Variants in LRRC7 observed in about 807,000 individuals in gnomAD.
The protein encoded by LRRC7 is leucine-rich repeat-containing protein 7.
Under a neutral mutation model 175.7 loss-of-function variants are expected in LRRC7, and 23 were observed. The observed-to-expected ratio is 0.13, with a 90% CI of 0.09 to 0.19. LRRC7 has a LOEUF of 0.19. LRRC7 is among the 10% of genes least tolerant of loss of function. The pLI, the probability that LRRC7 is intolerant of heterozygous loss-of-function variation, is 1.00. For synonymous variants in LRRC7, 685 were observed against 680.9 expected, an observed-to-expected ratio of 1.01 and a Z score of -0.09; for missense variants, 1,354 against 1,904.7, an observed-to-expected ratio of 0.71 and a Z score of 5.38.
intron 1 of LRRC7, among the ~76,000 whole-genome samples, chr1:69,677,609 G>T (rs549304250): frequency 3.9e-5 from 6 of 152,110 alleles, no homozygotes; most frequent in African/African-American, 1.4e-4. Flanking sequence ...TGATCATTCT[G>T]GCTGGGGTAA....
rs1427761994 is a variant in LRRC7, at chr1:69,754,228, T to A, written c.101-5963T>A. Among the ~76,000 whole-genome samples the A allele has an allele frequency of 2.0e-5, 3 of 152,078 alleles. No individual in the cohort carries two copies. In the East Asian group the frequency reaches 5.8e-4, roughly 29 times the overall value. ...CAAGAGAGTGACATAATCATATTTG[T>A]GTTTTCAATAGGTCATCTAGCTACA... is the stretch of plus-strand genomic sequence containing the variant. On this transcript the variant is annotated intron_variant, in intron 2 of 26. Transcript: ENST00000651989.
chr1:69,922,555 AG>A (rs1646923334), intron 7 of LRRC7, among the ~76,000 whole-genome samples: 1 of 152,188 alleles, frequency 6.6e-6, no homozygotes, highest in Non-Finnish European at 1.5e-5. Context: ...TAAACTTGGG[AG>A]AAAATAGAAA....
chr1:69,659,441 A>G (rs1162816875), intron 1 of LRRC7, among the ~76,000 whole-genome samples: 5 of 151,924 alleles, frequency 3.3e-5, no homozygotes, highest in African/African-American at 1.2e-4. Context: ...ACCAGTAAAA[A>G]AAATGTATAA....
chr1:69,917,360 G>A (rs1414327133), intron 7 of LRRC7, among the ~76,000 whole-genome samples: 1 of 152,122 alleles, frequency 6.6e-6, no homozygotes, highest in Non-Finnish European at 1.5e-5. Context: ...AGGGAGATAG[G>A]CCCCAGAGCC....
intron 7 of LRRC7, among the ~76,000 whole-genome samples, chr1:69,844,404 G>A (rs1414335613): frequency 6.6e-6 from 1 of 152,122 alleles, no homozygotes; most frequent in Non-Finnish European, 1.5e-5. Context: ...GTTTCTGTGA[G>A]TCTGACCATT....
At chr1:69,909,883 T>C (rs1457145903) in intron 7 of LRRC7, among the ~76,000 whole-genome samples, 1 of 152,212 alleles carries the variant, frequency 6.6e-6, no homozygotes, top group Non-Finnish European at 1.5e-5. Flanking sequence ...CTTGGTTCCA[T>C]TCTCCCCATC....
rs549795868 is a variant in LRRC7 at position 69,803,771 on chromosome 1, A to T, written c.421+11611A>T. 2.0e-5 allele frequency among the ~76,000 whole-genome samples: 3 copies of T among 151,340 alleles called. No homozygotes were observed. The South Asian group carries it at 6.2e-4, about 31-fold the overall frequency. On this transcript the variant is annotated intron_variant, in intron 4 of 26. Transcript: ENST00000651989. ...ATCTAATTAGGAAATAATCTACTTC[A>T]TCATACTGTTTTTTTAATTTATTTT...
chr1:69,599,488 T>C (rs1646968815), intron 1 of LRRC7, among the ~76,000 whole-genome samples: 1 of 152,316 alleles, frequency 6.6e-6, no homozygotes, highest in African/African-American at 2.4e-5. Context: ...TTTGCCAGTA[T>C]CTTTAAAACT....
chr1:69,915,785 A>G (rs1646668262), intron 7 of LRRC7, among the ~76,000 whole-genome samples: 1 of 151,886 alleles, frequency 6.6e-6, no homozygotes, highest in African/African-American at 2.4e-5. Flanking sequence ...GTATTTTAAT[A>G]ACTAACACAG....
intron 3 of LRRC7, among the ~76,000 whole-genome samples, chr1:69,784,116 A>G (rs965587179): frequency 1.9e-4 from 29 of 152,226 alleles, no homozygotes; most frequent in Non-Finnish European, 3.7e-4. Context: ...ATAATATCAA[A>G]TGAAAAAGGA....
intron 1 of LRRC7, among the ~76,000 whole-genome samples, chr1:69,672,154 G>A (rs1659173010): frequency 6.6e-6 from 1 of 152,170 alleles, no homozygotes; most frequent in Non-Finnish European, 1.5e-5. Flanking sequence ...TGTTGTGTGT[G>A]TAGATAGTTG....
chr1:70,073,618 C>A (rs1292410510), intron 23 of LRRC7, among the ~76,000 whole-genome samples: 2 of 152,042 alleles, frequency 1.3e-5, no homozygotes, highest in Non-Finnish European at 2.9e-5. Context: ...TTCATGGAAC[C>A]AAGCTATGTT....
chr1:70,089,518 T>C (rs1663866055), intron 24 of LRRC7, among the ~76,000 whole-genome samples: 1 of 152,178 alleles, frequency 6.6e-6, no homozygotes, highest in Admixed American at 6.6e-5. Flanking sequence ...CTTGCCCAGG[T>C]AATTTCAAGC....
In LRRC7 at chr1:69,772,255, C is replaced by T. The variant is rs150644872; in HGVS notation, c.303+11862C>T. On this transcript the variant is annotated intron_variant, in intron 3 of 26. Transcript: ENST00000651989. Reference sequence around the variant, plus strand: ...TTTTGTGTTGAGTTCTGAATGACAGCGAGGGGTCAACCATGCAAGATCATG... The same window carrying T: ...TTTTGTGTTGAGTTCTGAATGACAGTGAGGGGTCAACCATGCAAGATCATG... Among the ~76,000 whole-genome samples the T allele has an allele frequency of 1.8e-4, 27 of 152,046 alleles. No homozygotes were observed. The East Asian group carries it at 3.9e-3, about 22-fold the overall frequency.
At chr1:69,669,304 C>A (rs2100565918) in intron 1 of LRRC7, among the ~76,000 whole-genome samples, 1 of 152,218 alleles carries the variant, frequency 6.6e-6, no homozygotes, top group East Asian at 1.9e-4. Flanking sequence ...CTGGGAAAGT[C>A]TTTATCTGCA....
chr1:69,652,426 C>A (rs1010007858), intron 1 of LRRC7, among the ~76,000 whole-genome samples: 2 of 151,998 alleles, frequency 1.3e-5, no homozygotes, highest in African/African-American at 4.8e-5. Context: ...AAGCAAAAGA[C>A]CTGTAAACTG....
At chr1:69,820,153 A>G (rs1445714149) in intron 4 of LRRC7, among the ~76,000 whole-genome samples, 1 of 151,582 alleles carries the variant, frequency 6.6e-6, no homozygotes, top group African/African-American at 2.4e-5. Flanking sequence ...ATATGGTGGT[A>G]TGTTTTAAAT....
intron 7 of LRRC7, among the ~76,000 whole-genome samples, chr1:69,915,961 G>C (rs1646673869): frequency 6.8e-6 from 1 of 146,948 alleles, no homozygotes; most frequent in Non-Finnish European, 1.5e-5. Context: ...AACAGCTAGT[G>C]AGTGGTGGAA....
chr1:69,803,913 T>G (rs1676813883), intron 4 of LRRC7, among the ~76,000 whole-genome samples: 1 of 151,476 alleles, frequency 6.6e-6, no homozygotes, highest in Admixed American at 6.6e-5. Flanking sequence ...TTAGCAACTT[T>G]TCCAGAGGTT....
Sources: gnomAD v4.1 joint callset for allele counts (sites outside exome capture counted in the v4.1 genomes callset) on GRCh38, gnomAD v4.1.1 for gene constraint, MANE v1.5 for transcripts, NCBI Gene and HGNC (gene_info 2026-07-23, HGNC 2026-07-21) for gene names.